The following UBE2L3 variants were observed in gnomAD, a reference collection of about 807,000 sequenced individuals.
UBE2L3 encodes ubiquitin-conjugating enzyme E2 L3.
Under a neutral mutation model 17.8 loss-of-function variants are expected in UBE2L3, and 1 was observed. The ratio of observed to expected loss-of-function variants is 0.06; its 90% confidence interval spans 0.02 to 0.27. The LOEUF (loss-of-function observed/expected upper bound fraction) is 0.27, where lower values mean the gene tolerates loss of function less well. Among genes scored for constraint, UBE2L3 ranks in the 10% least tolerant of loss-of-function variants. UBE2L3 has a pLI of 1.00. For synonymous variants in UBE2L3, 44 were observed against 68.5 expected, an observed-to-expected ratio of 0.64 and a Z score of 1.76; for missense variants, 40 against 192.6, an observed-to-expected ratio of 0.21 and a Z score of 4.69.
intron 1 of UBE2L3, among the ~76,000 whole-genome samples, chr22:21,571,706 G>A (rs1926976851): frequency 6.6e-6 from 1 of 152,124 alleles, no homozygotes; most frequent in Non-Finnish European, 1.5e-5. Context: ...CCAGCCTAAT[G>A]CTATTTAAAA....
chr22:21,563,174 G>C (rs1395097477), upstream of UBE2L3, among the ~76,000 whole-genome samples: 1 of 151,128 alleles, frequency 6.6e-6, no homozygotes, highest in East Asian at 2.0e-4. Flanking sequence ...CCCAGGAGGC[G>C]GAGGTTGCAG....
chr22:21,576,338 C>G (rs1927293678), intron 1 of UBE2L3, among the ~76,000 whole-genome samples: 1 of 151,108 alleles, frequency 6.6e-6, no homozygotes, highest in South Asian at 2.1e-4. Context: ...TGCTCTGGCG[C>G]CCATGCTGGA....
chr22:21,589,121 C>T (rs1250858569), intron 1 of UBE2L3, among the ~76,000 whole-genome samples: 1 of 149,586 alleles, frequency 6.7e-6, no homozygotes, highest in Non-Finnish European at 1.5e-5. Flanking sequence ...AGTTGTTTTC[C>T]TCAGTGGAGG....
chr22:21,610,034 A>T lies in UBE2L3; in HGVS notation c.124-823A>T, dbSNP rs967635757. Among the ~76,000 whole-genome samples, 4 of 152,160 alleles carry T rather than the reference A, an allele frequency of 2.6e-5. No homozygotes were observed. In the South Asian group the frequency reaches 8.3e-4, roughly 31 times the overall value. On this transcript the variant is annotated intron_variant, in intron 2 of 3. Transcript: ENST00000342192. ...GACTCTGAAAAAATAATAATAATAA[A>T]AAGAACAAATAGCTTCTAACGACAA...
At chr22:21,578,309 G>A (rs959985395) in intron 1 of UBE2L3, among the ~76,000 whole-genome samples, 3 of 151,548 alleles carry the variant, frequency 2.0e-5, no homozygotes, top group Admixed American at 6.6e-5. Flanking sequence ...GTAGTGAGCC[G>A]GGATTGCGCC....
chr22:21,570,985 AAGT>A (rs1028342752), intron 1 of UBE2L3, among the ~76,000 whole-genome samples: 7 of 152,226 alleles, frequency 4.6e-5, no homozygotes, highest in African/African-American at 1.7e-4. Flanking sequence ...ACATTATTAA[AAGT>A]AGAGTGATTT....
At chr22:21,604,994 A>G (rs774519982) in intron 2 of UBE2L3, among the ~76,000 whole-genome samples, 1 of 152,042 alleles carries the variant, frequency 6.6e-6, no homozygotes, top group Non-Finnish European at 1.5e-5. Flanking sequence ...TGTCTTGTCC[A>G]GGCTGGAAGG....
rs948855792 is a variant in UBE2L3, at chr22:21,623,398, A to G, written c.*1729A>G. On this transcript the variant is annotated 3_prime_UTR_variant, in exon 4 of 4. Transcript: ENST00000342192. ...AAGGGCACCGGGCTGGCGTTTCCACATCTGTCTTCATTAGCAGAAAAGTGA... is the reference window on the plus strand; with the variant it reads ...AAGGGCACCGGGCTGGCGTTTCCACGTCTGTCTTCATTAGCAGAAAAGTGA... 2.6e-5 allele frequency: 4 copies of G among 152,748 alleles called. No individual in the cohort carries two copies. Among genetic ancestry groups the G allele is most frequent in the African/African-American group, 9.7e-5 (4 of 41,448 alleles). The allele number at this position is 152,748 out of a possible 1,614,324, so 9.5% of individuals were successfully genotyped here.
At chr22:21,606,502 A>G (rs1255037059) in intron 2 of UBE2L3, among the ~76,000 whole-genome samples, 1 of 152,184 alleles carries the variant, frequency 6.6e-6, no homozygotes, top group Non-Finnish European at 1.5e-5. Context: ...AGCAGTGTAA[A>G]TGACAATGAT....
intron 2 of UBE2L3, among the ~76,000 whole-genome samples, chr22:21,604,652 C>T (rs1929052088): frequency 6.6e-6 from 1 of 152,122 alleles, no homozygotes; most frequent in African/African-American, 2.4e-5. Flanking sequence ...TTCTGAGTGG[C>T]CTTCCCAAAG....
At chr22:21,586,743 T>G (rs1262532045) in intron 1 of UBE2L3, among the ~76,000 whole-genome samples, 1 of 151,848 alleles carries the variant, frequency 6.6e-6, no homozygotes, top group Non-Finnish European at 1.5e-5. Context: ...AATTTTTGTA[T>G]TTTTAGTAGA....
At chr22:21,561,133 TG>T in intron 1 of UBE2L3, among the ~76,000 whole-genome samples, 1 of 152,268 alleles carries the variant, frequency 6.6e-6, no homozygotes, top group East Asian at 1.9e-4. Flanking sequence ...AGAACAGACT[TG>T]GGCTTGAGCC....
At chr22:21,576,455 G>A (rs939725785) in intron 1 of UBE2L3, among the ~76,000 whole-genome samples, 3 of 151,886 alleles carry the variant, frequency 2.0e-5, no homozygotes, top group Non-Finnish European at 4.4e-5. Flanking sequence ...CCGCCACCAT[G>A]CCCAGCTAAT....
At chr22:21,598,541 CTTTTTTT>C (rs60333124) in intron 2 of UBE2L3, among the ~76,000 whole-genome samples, 4 of 129,078 alleles carry the variant, frequency 3.1e-5, no homozygotes, top group African/African-American at 8.5e-5. Context: ...TTTCCCTTTC[CTTTTTTT>C]TTTTTTTTTT....
At chr22:21,595,941 C>G (rs1352453255) in intron 2 of UBE2L3, among the ~76,000 whole-genome samples, 2 of 152,134 alleles carry the variant, frequency 1.3e-5, no homozygotes, top group African/African-American at 4.8e-5. Flanking sequence ...TCTCGGCTCA[C>G]TGCAACCTCC....
chr22:21,609,950 C>T (rs1370288133), intron 2 of UBE2L3, among the ~76,000 whole-genome samples: 1 of 152,128 alleles, frequency 6.6e-6, no homozygotes, highest in Non-Finnish European at 1.5e-5. Flanking sequence ...TGCTTGAACC[C>T]AGGAGGCGGA....
intron 2 of UBE2L3, among the ~76,000 whole-genome samples, chr22:21,603,640 GA>G (rs1465742515): frequency 6.6e-6 from 1 of 150,528 alleles, no homozygotes; most frequent in East Asian, 2.0e-4. Context: ...TCAGGAGATC[GA>G]AACCATCCTG....
intron 1 of UBE2L3, among the ~76,000 whole-genome samples, chr22:21,586,072 A>G (rs1927919260): frequency 6.6e-6 from 1 of 151,974 alleles, no homozygotes; most frequent in African/African-American, 2.4e-5. Context: ...AGTAGCTGGG[A>G]CCACAGGCAT....
chr22:21,620,628 TA>T (rs1200596253), intron 3 of UBE2L3, among the ~76,000 whole-genome samples: 5 of 152,018 alleles, frequency 3.3e-5, no homozygotes, highest in African/African-American at 9.7e-5. Flanking sequence ...CTACGGCACC[TA>T]GGGGGAGTAC....
Sources: gnomAD v4.1 joint callset for allele counts (sites outside exome capture counted in the v4.1 genomes callset) on GRCh38, gnomAD v4.1.1 for gene constraint, MANE v1.5 for transcripts, NCBI Gene and HGNC (gene_info 2026-07-23, HGNC 2026-07-21) for gene names.